Variants in RP1 observed in about 807,000 individuals in gnomAD.
RP1 encodes the protein oxygen-regulated protein 1.
RP1 carries 16 observed loss-of-function variants against 14.8 expected under a neutral mutation model. The observed-to-expected ratio is 1.08, with a 90% CI of 0.73 to 1.65. The LOEUF is 1.65. Ranked by LOEUF, RP1 falls within the 40% of genes most tolerant of loss-of-function variation. The pLI, the probability that RP1 is intolerant of heterozygous loss-of-function variation, is 0.00. For missense variants in RP1, 2,631 were observed against 2,535.0 expected (o/e 1.04, Z -0.81); for synonymous variants, 876 against 883.6 (o/e 0.99, Z 0.15).
chr8:54,662,620 C>T (rs1361365623), intron 6 of RP1, among the ~76,000 whole-genome samples: 4 of 152,142 alleles, frequency 2.6e-5, no homozygotes, highest in Non-Finnish European at 4.4e-5. Flanking sequence ...GAGGAGTTCC[C>T]TTTCCTGCCT....
chr8:54,758,317 G>C (rs1490303517), intron 21 of RP1, among the ~76,000 whole-genome samples: 1 of 152,122 alleles, frequency 6.6e-6, no homozygotes, highest in African/African-American at 2.4e-5. Context: ...GGAAATGTCA[G>C]TGTATTTTTG....
chr8:54,852,651 A>T (rs1812082336), exon 26 of RP1: 1 of 1,231,462 alleles, frequency 8.1e-7, no homozygotes, highest in Non-Finnish European at 1.0e-6. Context: ...TATCAACCTC[A>T]TCGGTACCAG....
At chr8:54,695,552 TAAG>T (rs1437351674) in intron 12 of RP1, among the ~76,000 whole-genome samples, 1 of 152,112 alleles carries the variant, frequency 6.6e-6, no homozygotes, top group Non-Finnish European at 1.5e-5. Flanking sequence ...ATTAGAACAA[TAAG>T]AAGATTAAAT....
chr8:54,866,035 C>A, intron 28 of RP1: 1 of 411,838 alleles, frequency 2.4e-6, no homozygotes, highest in South Asian at 1.3e-4. Context: ...CCCTGAAAAC[C>A]AGAGCTGAAG....
chr8:54,844,766 A>C (rs955635650), intron 25 of RP1, among the ~76,000 whole-genome samples: 1 of 152,188 alleles, frequency 6.6e-6, no homozygotes, highest in African/African-American at 2.4e-5. Flanking sequence ...TGATATTCTT[A>C]TGTGATCCTA....
chr8:54,613,796 G>A (rs1440125071), upstream of RP1, among the ~76,000 whole-genome samples: 1 of 152,142 alleles, frequency 6.6e-6, no homozygotes, highest in Non-Finnish European at 1.5e-5. Flanking sequence ...AAAATCTAGA[G>A]CCACATTTAA....
At chr8:54,618,221 C>T (rs1417896751) in intron 1 of RP1, among the ~76,000 whole-genome samples, 1 of 152,220 alleles carries the variant, frequency 6.6e-6, no homozygotes, top group Non-Finnish European at 1.5e-5. Flanking sequence ...ACCTTCAGCA[C>T]CTGCCCTTCA....
At chr8:54,637,047 GGCATGGTGTAGCATA>G (rs764598406) in intron 3 of RP1, among the ~76,000 whole-genome samples, 12 of 152,174 alleles carry the variant, frequency 7.9e-5, no homozygotes, top group Non-Finnish European at 1.5e-4. Context: ...CCTTCCAGGA[GGCATGGTGTAGCATA>G]GCATTATGGA....
At chr8:54,786,202 T>A (rs943234425) in intron 24 of RP1, among the ~76,000 whole-genome samples, 5 of 152,096 alleles carry the variant, frequency 3.3e-5, no homozygotes, top group African/African-American at 1.2e-4. Context: ...ATGAATTCTC[T>A]ATTTTTGTTT....
At chr8:54,748,753 G>A (rs919723548) in intron 19 of RP1, among the ~76,000 whole-genome samples, 57 of 152,134 alleles carry the variant, frequency 3.7e-4, no homozygotes, top group African/African-American at 1.2e-3. Context: ...CTATAAATAC[G>A]TTGTGTCCAA....
At chr8:54,789,845 C>T (rs1415316709) in intron 24 of RP1, among the ~76,000 whole-genome samples, 1 of 152,174 alleles carries the variant, frequency 6.6e-6, no homozygotes, top group Middle Eastern at 3.2e-3. Flanking sequence ...GGCAACCCAC[C>T]CAATAACCCT....
chr8:54,813,239 C>A (rs1230201695), intron 24 of RP1, among the ~76,000 whole-genome samples: 1 of 152,212 alleles, frequency 6.6e-6, no homozygotes, highest in Non-Finnish European at 1.5e-5. Flanking sequence ...TTTATCTGGA[C>A]TCAGAAACTG....
chr8:54,731,664 G>A (rs998716974), intron 17 of RP1, among the ~76,000 whole-genome samples: 2 of 152,104 alleles, frequency 1.3e-5, no homozygotes, highest in Non-Finnish European at 2.9e-5. Flanking sequence ...TGCAAATGAT[G>A]CAAGAACATG....
At chr8:54,574,700 A>G (rs1049918263) in intron 1 of RP1, among the ~76,000 whole-genome samples, 2 of 110,290 alleles carry the variant, frequency 1.8e-5, no homozygotes, top group Non-Finnish European at 4.0e-5. Flanking sequence ...TGTTTCACTT[A>G]TCTATGTTGT....
intron 24 of RP1, among the ~76,000 whole-genome samples, chr8:54,811,407 T>C (rs1215171471): frequency 6.6e-6 from 1 of 152,238 alleles, no homozygotes; most frequent in East Asian, 1.9e-4. Context: ...TAGACTATTT[T>C]ATTATTGCTC....
chr8:54,677,551 C>A, intron 8 of RP1, among the ~76,000 whole-genome samples: 1 of 151,980 alleles, frequency 6.6e-6, no homozygotes, highest in Admixed American at 6.6e-5. Context: ...ACATACAAGA[C>A]CCCATCTCTA....
rs1209913220 is a variant in RP1, at chr8:54,625,867, A to G, written c.1985A>G (p.Lys662Arg). Reference sequence around the variant, plus strand: ...TTAACAAAACTTCCAAAAAATGAAAAGAAGATTTTGTCATCTGTTGCCAGC... The same window carrying G: ...TTAACAAAACTTCCAAAAAATGAAAGGAAGATTTTGTCATCTGTTGCCAGC... ...CGLTKLPKNE[K>R]KILSSVASKK... Residue 662 changes from lysine to arginine, a missense_variant, in exon 4 of 4, where the codon AAG (lysine) becomes AGG (arginine). Lys to Arg is a conservative substitution (Grantham distance 26). Coordinates refer to ENST00000220676, the MANE Select transcript of RP1 (RefSeq NM_006269.2). 6.2e-7 allele frequency: 1 copy of G among 1,613,806 alleles called. No homozygotes were observed. The highest frequency in any genetic ancestry group is 8.5e-7 in the Non-Finnish European group (1 of 1,179,948).
intron 24 of RP1, among the ~76,000 whole-genome samples, chr8:54,829,686 A>G (rs1038765991): frequency 5.3e-5 from 8 of 152,214 alleles, no homozygotes; most frequent in Non-Finnish European, 1.0e-4. Context: ...AGAAAGATCA[A>G]CAAATGTCTA....
chr8:54,795,580 G>A (rs1210177002), intron 24 of RP1, among the ~76,000 whole-genome samples: 1 of 152,160 alleles, frequency 6.6e-6, no homozygotes, highest in African/African-American at 2.4e-5. Context: ...CCTTTGTGGA[G>A]AGGGAAGATT....
Sources: gnomAD v4.1 joint callset for allele counts (sites outside exome capture counted in the v4.1 genomes callset) on GRCh38, gnomAD v4.1.1 for gene constraint, MANE v1.5 for transcripts, NCBI Gene and HGNC (gene_info 2026-07-23, HGNC 2026-07-21) for gene names.